Variants in MALT1 observed in about 807,000 individuals in gnomAD.
MALT1 encodes the protein MALT1 paracaspase, also known as mucosa-associated lymphoid tissue lymphoma translocation protein 1.
In MALT1, 36 loss-of-function variants were observed where a neutral mutation model predicts 85.5. That is an observed-to-expected ratio of 0.42 (90% CI 0.32 to 0.56). MALT1 has a LOEUF of 0.56. Ranked by LOEUF, MALT1 falls within the 20% of genes least tolerant of loss-of-function variation. MALT1 has a pLI of 0.10. For missense variants in MALT1, 716 were observed against 981.6 expected, an observed-to-expected ratio of 0.73 and a Z score of 3.62; for synonymous variants, 359 against 361.3, an observed-to-expected ratio of 0.99 and a Z score of 0.07.
At chr18:58,742,522 C>T (rs1330873800) in intron 14 of MALT1, among the ~76,000 whole-genome samples, 2 of 152,156 alleles carry the variant, frequency 1.3e-5, no homozygotes, top group African/African-American at 4.8e-5. Context: ...GCCTGGACAA[C>T]ATGGCAAAAC....
At chr18:58,677,026 T>C (rs1412283520) in intron 1 of MALT1, among the ~76,000 whole-genome samples, 1 of 152,212 alleles carries the variant, frequency 6.6e-6, no homozygotes, top group East Asian at 1.9e-4. Context: ...GTTTCAGTCA[T>C]AAAGCAGTTT....
chr18:58,713,416 T>A (rs1318905139), intron 7 of MALT1, among the ~76,000 whole-genome samples: 1 of 152,100 alleles, frequency 6.6e-6, no homozygotes, highest in Non-Finnish European at 1.5e-5. Flanking sequence ...AAACATCAAA[T>A]CTCAGTTGAG....
chr18:58,705,489 A>G (rs1410005113), intron 4 of MALT1, among the ~76,000 whole-genome samples: 1 of 101,600 alleles, frequency 9.8e-6, no homozygotes, highest in East Asian at 3.1e-4. Context: ...CCCACCCCAC[A>G]ACAGTCCCCA....
At chr18:58,713,822 T>C (rs1359574724) in intron 7 of MALT1, among the ~76,000 whole-genome samples, 1 of 152,194 alleles carries the variant, frequency 6.6e-6, no homozygotes, top group African/African-American at 2.4e-5. Flanking sequence ...TCTAAAACTA[T>C]GAATAAATTA....
chr18:58,751,176 G>A lies in MALT1; in HGVS notation c.*3334G>A, dbSNP rs2055441014. 1 of 152,220 alleles carries A rather than the reference G, an allele frequency of 6.6e-6. No homozygotes were observed. Among genetic ancestry groups the A allele is most frequent in the Non-Finnish European group, 1.5e-5 (1 of 68,062 alleles). 9.4% of individuals were successfully genotyped at this position (152,220 alleles called of 1,614,324 possible). A position where few individuals can be genotyped will look rare whatever the true frequency, so the allele number is the denominator to read the frequency against. On this transcript the variant is annotated 3_prime_UTR_variant, in exon 17 of 17. Transcript: ENST00000649217. ...AAATTTTAGTTTTAGGATGGGTGTG[G>A]TGGCTCACGCCTATAATCTCAGCAC...
At chr18:58,695,064 T>G (rs912454853) in intron 2 of MALT1, among the ~76,000 whole-genome samples, 1 of 152,122 alleles carries the variant, frequency 6.6e-6, no homozygotes, top group African/African-American at 2.4e-5. Flanking sequence ...ATCTGATGGT[T>G]TTATAAAGGG....
At chr18:58,678,868 T>C (rs1408315937) in intron 1 of MALT1, among the ~76,000 whole-genome samples, 1 of 152,210 alleles carries the variant, frequency 6.6e-6, no homozygotes, top group African/African-American at 2.4e-5. Context: ...TGGTGTGGTC[T>C]AGGAGGACCT....
intron 10 of MALT1, among the ~76,000 whole-genome samples, chr18:58,732,756 TAGCTG>T (rs2055168467): frequency 8.1e-6 from 1 of 123,096 alleles, no homozygotes; most frequent in African/African-American, 4.7e-5. Flanking sequence ...AGAGAAATCC[TAGCTG>T]CATTCTTTTT....
chr18:58,704,559 T>C (rs2054718878), intron 4 of MALT1, among the ~76,000 whole-genome samples: 1 of 152,146 alleles, frequency 6.6e-6, no homozygotes. Context: ...CAGGCTCAAA[T>C]CATCCTCCTA....
Position 58,681,307 on chromosome 18 carries a change from C to T in MALT1, c.347C>T (p.Thr116Ile). 1 of 1,613,878 alleles carries T rather than the reference C, an allele frequency of 6.2e-7. No homozygotes were observed. Among genetic ancestry groups the T allele is most frequent in the Non-Finnish European group, 8.5e-7 (1 of 1,179,882 alleles). ...LSDFLQAMEHTEVLQLLSPPG... is the reference protein window; with the variant it reads ...LSDFLQAMEHIEVLQLLSPPG... Reference sequence around the variant, plus strand: ...GATTTCCTGCAGGCTATGGAACACACTGAAGTTCTTCAGCTTCTCAGCCCC... The same window carrying T: ...GATTTCCTGCAGGCTATGGAACACATTGAAGTTCTTCAGCTTCTCAGCCCC... The change falls in exon 2 of 17, where the codon ACT becomes ATT. Residue 116 changes from threonine to isoleucine, a missense_variant. Coordinates refer to ENST00000649217, the MANE Select transcript of MALT1 (RefSeq NM_006785.4).
chr18:58,705,570 C>T (rs1317026087), intron 4 of MALT1, among the ~76,000 whole-genome samples: 3 of 142,224 alleles, frequency 2.1e-5, no homozygotes, highest in East Asian at 4.2e-4. Flanking sequence ...TGAGAATATG[C>T]GGTGTTTGGT....
chr18:58,694,892 G>A lies in MALT1; in HGVS notation c.377-1474G>A, dbSNP rs534415006. ...ACCTCATTTCCTCACTGGCTGTGGCGGGAGATCTGTTTCTTTCTGTAGAGA... is the reference window on the plus strand; with the variant it reads ...ACCTCATTTCCTCACTGGCTGTGGCAGGAGATCTGTTTCTTTCTGTAGAGA... On this transcript the variant is annotated intron_variant, in intron 2 of 16. Transcript: ENST00000649217. Among the ~76,000 whole-genome samples the A allele has an allele frequency of 2.6e-5, 4 of 152,258 alleles. No individual in the cohort carries two copies. The East Asian group carries it at 5.8e-4, about 22-fold the overall frequency.
chr18:58,682,344 A>T lies in MALT1; in HGVS notation c.376+1008A>T, dbSNP rs890899872. Reference sequence around the variant, plus strand: ...ACCCCAACCCAAATAGGCATAATAAAGAGAATACATTTCTCCTTCTAATTG... The same window carrying T: ...ACCCCAACCCAAATAGGCATAATAATGAGAATACATTTCTCCTTCTAATTG... On this transcript the variant is annotated intron_variant, in intron 2 of 16. Transcript: ENST00000649217. 4.6e-5 allele frequency among the ~76,000 whole-genome samples: 7 copies of T among 152,210 alleles called. No homozygotes were observed. The East Asian group carries it at 1.2e-3, about 25-fold the overall frequency.
intron 3 of MALT1, among the ~76,000 whole-genome samples, chr18:58,698,785 T>C (rs1284373240): frequency 6.6e-6 from 1 of 152,000 alleles, no homozygotes; most frequent in Non-Finnish European, 1.5e-5. Flanking sequence ...GTGAGCATAA[T>C]GGATGGGTTT....
At chr18:58,740,305 A>G (rs952229989) in intron 13 of MALT1, among the ~76,000 whole-genome samples, 1 of 152,050 alleles carries the variant, frequency 6.6e-6, no homozygotes, top group African/African-American at 2.4e-5. Flanking sequence ...GATTTCTTCT[A>G]CTTTTTCATT....
chr18:58,686,441 G>A (rs1024829443), intron 2 of MALT1, among the ~76,000 whole-genome samples: 6 of 152,208 alleles, frequency 3.9e-5, no homozygotes, highest in African/African-American at 7.2e-5. Context: ...CCCTTAACCT[G>A]GAATGGGCAG....
intron 9 of MALT1, among the ~76,000 whole-genome samples, chr18:58,717,043 A>C (rs961328083): frequency 6.6e-6 from 1 of 152,162 alleles, no homozygotes; most frequent in Non-Finnish European, 1.5e-5. Flanking sequence ...TTTCTAAGTA[A>C]TTAGGCGTAG....
chr18:58,733,431 T>C lies in MALT1; in HGVS notation c.1257T>C (p.Asn419=), dbSNP rs779308482. ...ATTATGCAGGACATGGTTATGAAAATTTTGGGAACAGCTTCATGGTCCCCG... is the reference window on the plus strand; with the variant it reads ...ATTATGCAGGACATGGTTATGAAAACTTTGGGAACAGCTTCATGGTCCCCG... ...LLYYAGHGYE[N]FGNSFMVPVD... The change falls in exon 11 of 17, where the codon AAT becomes AAC. Residue 419 remains asparagine (N), a synonymous_variant. Transcript: ENST00000649217. 1.4e-5 allele frequency: 23 copies of C among 1,612,168 alleles called. No individual in the cohort carries two copies. Among genetic ancestry groups the C allele is most frequent in the Non-Finnish European group, 1.8e-5 (21 of 1,179,374 alleles).
chr18:58,690,348 T>C (rs2054478172), intron 2 of MALT1: 1 of 152,498 alleles, frequency 6.6e-6, no homozygotes, highest in Non-Finnish European at 1.5e-5. Flanking sequence ...CAGATCAGTA[T>C]GGTGTTGGCA....
Sources: allele counts gnomAD v4.1 joint callset (sites outside exome capture counted in the v4.1 genomes callset), GRCh38; gene constraint gnomAD v4.1.1; transcripts MANE v1.5; gene names NCBI Gene and HGNC (gene_info 2026-07-23, HGNC 2026-07-21).